Variants in MAGI2 observed in about 807,000 individuals in gnomAD.
MAGI2 encodes the protein membrane associated guanylate kinase, WW and PDZ domain containing 2.
In MAGI2, 35 loss-of-function variants were observed where a neutral mutation model predicts 133.3. The observed-to-expected ratio is 0.26, with a 90% CI of 0.20 to 0.35. The LOEUF is 0.35. Ranked by LOEUF, MAGI2 falls within the 10% of genes least tolerant of loss-of-function variation. MAGI2 has a pLI of 1.00. For synonymous variants in MAGI2, 729 were observed against 710.6 expected, an observed-to-expected ratio of 1.03 and a Z score of -0.41; for missense variants, 1,636 against 1,863.4, an observed-to-expected ratio of 0.88 and a Z score of 2.25.
chr7:78,122,606 C>A (rs997307162), intron 20 of MAGI2, among the ~76,000 whole-genome samples: 22 of 152,124 alleles, frequency 1.4e-4, no homozygotes, highest in African/African-American at 5.3e-4. Flanking sequence ...AAATAATGTT[C>A]TTTTTCATCA....
At chr7:78,321,365 A>G (rs1206391936) in intron 9 of MAGI2, among the ~76,000 whole-genome samples, 1 of 152,216 alleles carries the variant, frequency 6.6e-6, no homozygotes, top group Non-Finnish European at 1.5e-5. Context: ...CCTGACTTCA[A>G]ACTATACTAC....
At chr7:78,763,342 G>A (rs1328233580) in intron 2 of MAGI2, among the ~76,000 whole-genome samples, 2 of 151,990 alleles carry the variant, frequency 1.3e-5, no homozygotes, top group African/African-American at 4.8e-5. Context: ...ATTGTAACCT[G>A]GGGATCCGCA....
intron 1 of MAGI2, among the ~76,000 whole-genome samples, chr7:79,177,444 A>T (rs1047121245): frequency 1.3e-5 from 2 of 152,084 alleles, no homozygotes; most frequent in Non-Finnish European, 1.5e-5. Flanking sequence ...TCCTCTAAAC[A>T]TAAGCTACAA....
At chr7:79,171,749 T>A (rs1420818320) in intron 1 of MAGI2, among the ~76,000 whole-genome samples, 39 of 27,988 alleles carry the variant, frequency 1.4e-3, no homozygotes, top group African/African-American at 3.4e-3. Flanking sequence ...CAAAAATATA[T>A]ATATATATAT....
chr7:79,411,541 G>A (rs547346898), intron 1 of MAGI2: 1 of 152,248 alleles, frequency 6.6e-6, no homozygotes, highest in Non-Finnish European at 1.5e-5. Flanking sequence ...TTCTCCTCTG[G>A]AGCTTTCACA....
intron 1 of MAGI2, among the ~76,000 whole-genome samples, chr7:79,183,473 TTTC>T (rs1223369758): frequency 2.0e-5 from 3 of 151,890 alleles, no homozygotes; most frequent in Non-Finnish European, 4.4e-5. Flanking sequence ...AAAAAATTGT[TTTC>T]TTATTACTGA....
chr7:79,251,676 A>C (rs1377314031), intron 1 of MAGI2, among the ~76,000 whole-genome samples: 1 of 152,188 alleles, frequency 6.6e-6, no homozygotes, highest in African/African-American at 2.4e-5. Context: ...AATAGTTTGG[A>C]GGTTCATCAA....
intron 3 of MAGI2, among the ~76,000 whole-genome samples, chr7:78,626,349 T>C (rs1398751619): frequency 6.6e-6 from 1 of 152,212 alleles, no homozygotes; most frequent in Non-Finnish European, 1.5e-5. Context: ...AATGCAATCA[T>C]ATCAACATAC....
intron 6 of MAGI2, among the ~76,000 whole-genome samples, chr7:78,403,549 G>C (rs1041682145): frequency 6.6e-6 from 1 of 152,094 alleles, no homozygotes; most frequent in African/African-American, 2.4e-5. Flanking sequence ...GGTATTTCTA[G>C]GTCTAGATCC....
intron 2 of MAGI2, among the ~76,000 whole-genome samples, chr7:78,692,893 G>A (rs566553300): frequency 1.3e-5 from 2 of 152,104 alleles, no homozygotes; most frequent in Admixed American, 6.5e-5. Context: ...CCCTATCAAC[G>A]GTTTCTTTCA....
intron 16 of MAGI2, among the ~76,000 whole-genome samples, chr7:78,137,706 T>C (rs1476219120): frequency 6.6e-6 from 1 of 152,204 alleles, no homozygotes; most frequent in African/African-American, 2.4e-5. Flanking sequence ...CTATGTTCTC[T>C]GATTTCACAA....
chr7:78,729,066 C>T (rs1291450120), intron 2 of MAGI2, among the ~76,000 whole-genome samples: 1 of 152,058 alleles, frequency 6.6e-6, no homozygotes, highest in Non-Finnish European at 1.5e-5. Flanking sequence ...TGGTATTAGG[C>T]TATATCTATG....
chr7:79,240,182 A>C (rs1832276546), intron 1 of MAGI2, among the ~76,000 whole-genome samples: 1 of 152,080 alleles, frequency 6.6e-6, no homozygotes, highest in African/African-American at 2.4e-5. Context: ...TCGCAGGGGA[A>C]GGGGCCCAGT....
intron 2 of MAGI2, among the ~76,000 whole-genome samples, chr7:78,983,529 G>A (rs901120297): frequency 6.6e-6 from 1 of 151,800 alleles, no homozygotes; most frequent in Non-Finnish European, 1.5e-5. Context: ...TAGGTTGGGA[G>A]TACAGAGTGA....
chr7:79,283,294 T>C (rs900648950), intron 1 of MAGI2, among the ~76,000 whole-genome samples: 2 of 152,096 alleles, frequency 1.3e-5, no homozygotes, highest in African/African-American at 4.8e-5. Flanking sequence ...TGACATTTTT[T>C]AAAAAATGAT....
intron 2 of MAGI2, among the ~76,000 whole-genome samples, chr7:78,737,060 G>A (rs542274244): frequency 6.8e-4 from 104 of 152,244 alleles, no homozygotes; most frequent in South Asian, 2.7e-3. Context: ...GTATTTGGCA[G>A]ACATTTTCTT....
intron 9 of MAGI2, among the ~76,000 whole-genome samples, chr7:78,323,357 A>G (rs1409874606): frequency 6.6e-6 from 1 of 152,218 alleles, no homozygotes; most frequent in Non-Finnish European, 1.5e-5. Context: ...CTTTCCTTCA[A>G]TTAAAAAAGA....
At chr7:78,440,724 G>C (rs145090336) in intron 6 of MAGI2, among the ~76,000 whole-genome samples, 38 of 152,214 alleles carry the variant, frequency 2.5e-4, no homozygotes, top group African/African-American at 8.9e-4. Context: ...GGCCAGGGAG[G>C]GTAGATCACT....
chr7:78,737,739 T>C (rs906576860), intron 2 of MAGI2, among the ~76,000 whole-genome samples: 2 of 152,152 alleles, frequency 1.3e-5, no homozygotes, highest in African/African-American at 2.4e-5. Context: ...CTCATAAAAA[T>C]TGTTTTTTTA....
Sources: gnomAD v4.1 joint callset for allele counts (sites outside exome capture counted in the v4.1 genomes callset) on GRCh38, gnomAD v4.1.1 for gene constraint, MANE v1.5 for transcripts, NCBI Gene and HGNC (gene_info 2026-07-23, HGNC 2026-07-21) for gene names.